GIPC2: variants seen among roughly 807,000 people sequenced by gnomAD.
GIPC2 encodes the protein GIPC PDZ domain containing family member 2.
GIPC2 carries 30 observed loss-of-function variants against 30.6 expected under a neutral mutation model. That is an observed-to-expected ratio of 0.98 (90% CI 0.73 to 1.33). The LOEUF (loss-of-function observed/expected upper bound fraction) is 1.33. Ranked by LOEUF, GIPC2 falls within the 40% of genes most tolerant of loss-of-function variation. GIPC2 has a pLI of 0.00. For synonymous variants in GIPC2, 167 were observed against 150.0 expected, an observed-to-expected ratio of 1.11 and a Z score of -0.83; for missense variants, 414 against 390.3, an observed-to-expected ratio of 1.06 and a Z score of -0.51.
At chr1:78,091,637 T>G in intron 2 of GIPC2, 2 of 771,330 alleles carry the variant, frequency 2.6e-6, no homozygotes, top group Non-Finnish European at 4.9e-6. Context: ...CATCTGGTTA[T>G]ACTGGAGAAT....
At chr1:78,054,804 C>T (rs1413603468) in intron 1 of GIPC2, among the ~76,000 whole-genome samples, 1 of 152,142 alleles carries the variant, frequency 6.6e-6, no homozygotes, top group Non-Finnish European at 1.5e-5. Context: ...ATGGATAAGA[C>T]TGCTGTTGTG....
At chr1:78,091,351 A>T (rs1363465973) in intron 2 of GIPC2, 1 of 468,280 alleles carries the variant, frequency 2.1e-6, no homozygotes, top group Non-Finnish European at 3.9e-6. Flanking sequence ...GTTGCTGATC[A>T]TGGCGACTGG....
chr1:78,098,425 TCTA>T (rs1309041662), intron 3 of GIPC2, among the ~76,000 whole-genome samples: 4 of 152,238 alleles, frequency 2.6e-5, no homozygotes, highest in Admixed American at 2.6e-4. Context: ...TGACTATACT[TCTA>T]GGAAGATTTT....
intron 3 of GIPC2, among the ~76,000 whole-genome samples, chr1:78,100,575 G>T (rs1186208011): frequency 6.6e-6 from 1 of 152,244 alleles, no homozygotes; most frequent in African/African-American, 2.4e-5. Context: ...GGATAGGAAA[G>T]AAATTATAAA....
chr1:78,100,177 T>C lies in GIPC2; in HGVS notation c.607+5045T>C, dbSNP rs577396178. On this transcript the variant is annotated intron_variant, in intron 3 of 5. Transcript: ENST00000370759. ...GAGAGACATGAATTAAGGCAGTGCCTGTAGGCATGAAGAGAAGAGAAATGG... is the reference window on the plus strand; with the variant it reads ...GAGAGACATGAATTAAGGCAGTGCCCGTAGGCATGAAGAGAAGAGAAATGG... Among the ~76,000 whole-genome samples the C allele has an allele frequency of 5.3e-5, 8 of 152,348 alleles. No individual in the cohort carries two copies. The South Asian group carries it at 6.2e-4, about 12-fold the overall frequency.
intron 3 of GIPC2, among the ~76,000 whole-genome samples, chr1:78,114,462 TAAACA>T (rs1662530547): frequency 6.6e-6 from 1 of 152,212 alleles, no homozygotes; most frequent in Non-Finnish European, 1.5e-5. Flanking sequence ...TTTTTGTCTA[TAAACA>T]GATTGATTTA....
intron 3 of GIPC2, among the ~76,000 whole-genome samples, chr1:78,102,790 A>G (rs759783987): frequency 6.6e-6 from 1 of 152,250 alleles, no homozygotes; most frequent in Non-Finnish European, 1.5e-5. Flanking sequence ...TATTACTATT[A>G]TTATAAAGGT....
chr1:78,091,617 C>G (rs79357513), intron 2 of GIPC2: 19,403 of 768,330 alleles, frequency 0.025, 322 homozygotes, highest in Middle Eastern at 0.069. Flanking sequence ...TTCGTCGTGT[C>G]TGCCATCCCC....
At chr1:78,071,735 T>G (rs950807009) in intron 1 of GIPC2, among the ~76,000 whole-genome samples, 1 of 152,200 alleles carries the variant, frequency 6.6e-6, no homozygotes, top group Non-Finnish European at 1.5e-5. Flanking sequence ...TCTAAAAGTT[T>G]TAAATTCAAA....
intron 2 of GIPC2, chr1:78,092,845 G>C (rs544967885): frequency 1.3e-5 from 2 of 152,176 alleles, no homozygotes; most frequent in Non-Finnish European, 2.9e-5. Context: ...TCTGACTTCC[G>C]GTGACTGCCT....
Position 78,091,417 on chromosome 1 carries a change from C to T in GIPC2, c.427-3535C>T, listed in dbSNP as rs1662035334. ...TTTAGGGAGAGTGGAGCCGATAAGG[C>T]GGCCGCAGGGGCGGAGCCAGGGGCC... is the stretch of plus-strand genomic sequence containing the variant. On this transcript the variant is annotated intron_variant, in intron 2 of 5. Coordinates refer to ENST00000370759, the MANE Select transcript of GIPC2 (RefSeq NM_017655.6). 1.3e-5 allele frequency: 7 copies of T among 548,294 alleles called. No homozygotes were observed. The East Asian group carries it at 1.6e-4, about 12-fold the overall frequency. The allele number at this position is 548,294 out of a possible 1,614,324, so 34.0% of individuals were successfully genotyped here.
At chr1:78,088,424 G>C (rs1383596532) in intron 2 of GIPC2, among the ~76,000 whole-genome samples, 1 of 152,182 alleles carries the variant, frequency 6.6e-6, no homozygotes, top group African/African-American at 2.4e-5. Flanking sequence ...GCATTAAAAA[G>C]AATGAGATCA....
intron 1 of GIPC2, among the ~76,000 whole-genome samples, chr1:78,065,221 C>T (rs187798149): frequency 4.6e-5 from 7 of 152,170 alleles, no homozygotes; most frequent in African/African-American, 1.7e-4. Context: ...AAGAGTAGAA[C>T]ATGTGTTTGG....
At position 78,045,969 on chromosome 1, in the gene GIPC2, C is replaced by G; in HGVS notation, c.-126C>G. 1 of 1,376,004 alleles carries G rather than the reference C, an allele frequency of 7.3e-7. No homozygotes were observed. The highest frequency in any genetic ancestry group is 9.3e-7 in the Non-Finnish European group (1 of 1,070,026). 85.2% of individuals were successfully genotyped at this position (1,376,004 alleles called of 1,614,324 possible). On this transcript the variant is annotated 5_prime_UTR_variant, in exon 1 of 6. Coordinates refer to ENST00000370759, the MANE Select transcript of GIPC2 (RefSeq NM_017655.6). ...GGGGCCCTGACCCGACGCAGCCAGGCGGAAGCGCGGCTGCCATTGGAGGCT... is the reference window on the plus strand; with the variant it reads ...GGGGCCCTGACCCGACGCAGCCAGGGGGAAGCGCGGCTGCCATTGGAGGCT...
At chr1:78,067,364 G>T (rs1015805013) in intron 1 of GIPC2, among the ~76,000 whole-genome samples, 1 of 152,088 alleles carries the variant, frequency 6.6e-6, no homozygotes, top group Non-Finnish European at 1.5e-5. Flanking sequence ...CCAGAACAAT[G>T]GTACAATGGT....
chr1:78,123,830 C>T (rs926597559), intron 4 of GIPC2, among the ~76,000 whole-genome samples: 2 of 152,172 alleles, frequency 1.3e-5, no homozygotes, highest in African/African-American at 4.8e-5. Context: ...AAGGTTAATA[C>T]CTGTTAATTT....
chr1:78,098,042 C>A (rs1467801519), intron 3 of GIPC2, among the ~76,000 whole-genome samples: 2 of 152,120 alleles, frequency 1.3e-5, no homozygotes, highest in African/African-American at 4.8e-5. Context: ...TTTGCTATTT[C>A]TTCTAAGCTG....
intron 1 of GIPC2, among the ~76,000 whole-genome samples, chr1:78,056,561 C>T (rs1009821117): frequency 2.6e-5 from 4 of 152,186 alleles, no homozygotes; most frequent in African/African-American, 9.7e-5. Context: ...TGCCCAGCTT[C>T]GACAATTGTC....
intron 1 of GIPC2, among the ~76,000 whole-genome samples, chr1:78,049,407 C>A (rs549183482): frequency 6.6e-6 from 1 of 152,124 alleles, no homozygotes; most frequent in Non-Finnish European, 1.5e-5. Flanking sequence ...GTGATCTGCC[C>A]GCCTCGGCCT....
Sources: gnomAD v4.1 joint callset for allele counts (sites outside exome capture counted in the v4.1 genomes callset) on GRCh38, gnomAD v4.1.1 for gene constraint, MANE v1.5 for transcripts, NCBI Gene and HGNC (gene_info 2026-07-23, HGNC 2026-07-21) for gene names.